The following LDAH variants were observed in gnomAD, a reference collection of about 807,000 sequenced individuals.
LDAH encodes lipid droplet-associated hydrolase.
LDAH carries 26 observed loss-of-function variants against 29.6 expected under a neutral mutation model. That is an observed-to-expected ratio of 0.88 (90% CI 0.64 to 1.22). The LOEUF (loss-of-function observed/expected upper bound fraction) is 1.22. Ranked by LOEUF, LDAH falls within the 50% of genes most tolerant of loss-of-function variation. The probability of loss-of-function intolerance (pLI) is 0.00; values close to 1 mark genes in which losing one functional copy is unlikely to be tolerated. For missense variants in LDAH, 344 were observed against 387.3 expected (o/e 0.89, Z 0.94); for synonymous variants, 117 against 133.0 (o/e 0.88, Z 0.83).
intron 5 of LDAH, among the ~76,000 whole-genome samples, chr2:20,716,057 C>T (rs1160636656): frequency 1.3e-5 from 2 of 152,052 alleles, no homozygotes; most frequent in Non-Finnish European, 2.9e-5. Context: ...GAATGGCGAT[C>T]ATTAAAAAAT....
intron 1 of LDAH, among the ~76,000 whole-genome samples, chr2:20,804,315 G>A (rs1253848331): frequency 2.0e-5 from 3 of 152,120 alleles, no homozygotes; most frequent in Non-Finnish European, 4.4e-5. Context: ...CAATCTGGCA[G>A]CATGGATCAA....
In LDAH at chr2:20,684,970, G is replaced by C. The variant is rs150018830; in HGVS notation, c.*1933C>G. ...AGGTGGCTTTTCACTTTAAAAGAGAGACTTTGAGCCGAGTCTAACTCAGGA... is the reference window on the plus strand; with the variant it reads ...AGGTGGCTTTTCACTTTAAAAGAGACACTTTGAGCCGAGTCTAACTCAGGA... On this transcript the variant is annotated 3_prime_UTR_variant, in exon 7 of 7. Coordinates refer to ENST00000237822, the MANE Select transcript of LDAH (RefSeq NM_021925.4). 20 of 1,547,234 alleles carry C rather than the reference G, an allele frequency of 1.3e-5. No individual in the cohort carries two copies. Among genetic ancestry groups the C allele is most frequent in the Middle Eastern group, 1.7e-4 (1 of 5,978 alleles).
At chr2:20,704,109 C>T (rs568679379) in intron 5 of LDAH, among the ~76,000 whole-genome samples, 3 of 152,122 alleles carry the variant, frequency 2.0e-5, no homozygotes, top group South Asian at 2.1e-4. Flanking sequence ...GAAAATGGAC[C>T]ATGCAGATAC....
At chr2:20,802,922 C>G (rs1671804584) in intron 1 of LDAH, among the ~76,000 whole-genome samples, 1 of 152,110 alleles carries the variant, frequency 6.6e-6, no homozygotes, top group Non-Finnish European at 1.5e-5. Flanking sequence ...ATACAGTGCA[C>G]TGGAAAGGGA....
At position 20,698,094 on chromosome 2, in the gene LDAH, T is replaced by C. The variant is rs1663625528; in HGVS notation, c.786+3476A>G. ...AAGCTTTATGAGAGAGCGAAAGAGA[T>C]GCATGGCACAAAAAAGGTTTAGAAT... On this transcript the variant is annotated intron_variant, in intron 6 of 6. Coordinates refer to ENST00000237822, the MANE Select transcript of LDAH (RefSeq NM_021925.4). This position sits in a 1 kb window ranked among gnomAD's most constrained non-coding sequence, Gnocchi z 4.4. Among the ~76,000 whole-genome samples the C allele has an allele frequency of 6.6e-6, 1 of 152,228 alleles. No homozygotes were observed. The highest frequency in any genetic ancestry group is 2.1e-4 in the South Asian group (1 of 4,836).
At chr2:20,718,393 G>A (rs1454696131) in intron 5 of LDAH, among the ~76,000 whole-genome samples, 3 of 151,892 alleles carry the variant, frequency 2.0e-5, no homozygotes, top group Admixed American at 2.0e-4. Context: ...TAGACTTTAA[G>A]TCAAAAACTA....
At chr2:20,712,386 C>T (rs1486396632) in intron 5 of LDAH, among the ~76,000 whole-genome samples, 1 of 152,164 alleles carries the variant, frequency 6.6e-6, no homozygotes, top group Non-Finnish European at 1.5e-5. Context: ...CTGTAGGTCA[C>T]CAACATCAAA....
chr2:20,761,388 A>C (rs979693945), intron 4 of LDAH, among the ~76,000 whole-genome samples: 4 of 22,798 alleles, frequency 1.8e-4, no homozygotes, highest in African/African-American at 9.7e-4. Context: ...TTGTGGCTAT[A>C]AAAAAAAATT....
chr2:20,714,832 G>C (rs556035893), intron 5 of LDAH, among the ~76,000 whole-genome samples: 2 of 152,298 alleles, frequency 1.3e-5, no homozygotes, highest in South Asian at 4.1e-4. Context: ...ACTAAGCCAG[G>C]AAGAAGTGGA....
chr2:20,729,382 GAAT>G (rs1666244154), intron 5 of LDAH, among the ~76,000 whole-genome samples: 2 of 152,232 alleles, frequency 1.3e-5, no homozygotes, highest in South Asian at 2.1e-4. Flanking sequence ...ATACCGTTAA[GAAT>G]AATTTGTCAT....
At chr2:20,778,671 A>ATTAAATG (rs1669976425) in intron 3 of LDAH, among the ~76,000 whole-genome samples, 1 of 152,178 alleles carries the variant, frequency 6.6e-6, no homozygotes, top group Admixed American at 6.5e-5. Flanking sequence ...AGATAAAAAC[A>ATTAAATG]CAATCATTAA....
rs968095548 is a variant in LDAH, at chr2:20,819,096, C to T, written c.-3+3941G>A. On this transcript the variant is annotated intron_variant, in intron 1 of 6. Coordinates refer to ENST00000237822, the MANE Select transcript of LDAH (RefSeq NM_021925.4). ...ACTACTGCTGAGGACATATTAAAAA[C>T]GAAACCACACACTACACTCAAGATG... Among the ~76,000 whole-genome samples the T allele has an allele frequency of 1.3e-4, 20 of 152,090 alleles. 1 individual carries two copies. Among genetic ancestry groups the T allele is most frequent in the Admixed American group, 3.9e-4 (6 of 15,274 alleles).
chr2:20,800,308 T>G lies in LDAH; in HGVS notation c.154+1002A>C, dbSNP rs188643031. On this transcript the variant is annotated intron_variant, in intron 2 of 6. Transcript: ENST00000237822. ...ACAACCAAATAAACATTGTAAATGA[T>G]GTCAAAAGACAAACCAGGAAAGATT... is the stretch of plus-strand genomic sequence containing the variant. Among the ~76,000 whole-genome samples the G allele has an allele frequency of 3.3e-3, 503 of 152,374 alleles. 3 individuals carry two copies. Among genetic ancestry groups the G allele is most frequent in the Non-Finnish European group, 5.1e-3 (346 of 68,032 alleles).
chr2:20,790,270 G>C lies in LDAH; in HGVS notation c.283C>G (p.Leu95Val). The C allele has an allele frequency of 6.2e-7, 1 of 1,614,136 alleles. No individual in the cohort carries two copies. Among genetic ancestry groups the C allele is most frequent in the Non-Finnish European group, 8.5e-7 (1 of 1,180,004 alleles). Reference protein sequence around the residue: ...HALAPKDKKILTTSEDSNAQE... With the variant: ...HALAPKDKKIVTTSEDSNAQE... Reference sequence around the variant, plus strand: ...AAGGACATACCCTCTGATGTTGTAAGAATCTTCTTGTCTTTGGGAGCCAAC... The same window carrying C: ...AAGGACATACCCTCTGATGTTGTAACAATCTTCTTGTCTTTGGGAGCCAAC... The change falls in exon 3 of 7, where the codon CTT (leucine) becomes GTT (valine). Residue 95 changes from leucine (L) to valine (V), a missense_variant. Physicochemically the swap from Leu to Val is conservative, Grantham distance 32. Coordinates refer to ENST00000237822, the MANE Select transcript of LDAH (RefSeq NM_021925.4).
intron 5 of LDAH, among the ~76,000 whole-genome samples, chr2:20,713,425 C>T (rs577186469): frequency 6.6e-6 from 1 of 152,254 alleles, no homozygotes; most frequent in African/African-American, 2.4e-5. Context: ...CCAGCCACTG[C>T]AAAAATATGC....
chr2:20,718,336 T>C (rs1250037290), intron 5 of LDAH, among the ~76,000 whole-genome samples: 1 of 151,776 alleles, frequency 6.6e-6, no homozygotes, highest in Non-Finnish European at 1.5e-5. Context: ...TCCATGCAAA[T>C]GGAACTTTAA....
intron 5 of LDAH, among the ~76,000 whole-genome samples, chr2:20,719,191 T>TA (rs34323149): frequency 0.24 from 33,881 of 141,856 alleles, 4,437 homozygotes; most frequent in East Asian, 0.36. Context: ...AAATGGAGAC[T>TA]AAAAAACCAC....
intron 5 of LDAH, among the ~76,000 whole-genome samples, chr2:20,729,421 A>T (rs1456112402): frequency 2.0e-5 from 3 of 152,216 alleles, no homozygotes; most frequent in Non-Finnish European, 2.9e-5. Context: ...ATATAAATTT[A>T]AAAAATGTAT....
intron 5 of LDAH, among the ~76,000 whole-genome samples, chr2:20,733,780 C>T (rs1444534727): frequency 2.6e-5 from 4 of 152,108 alleles, no homozygotes; most frequent in African/African-American, 9.7e-5. Flanking sequence ...CTCAAGCGAT[C>T]CTTCCATCTC....
Sources: gnomAD v4.1 joint callset for allele counts (sites outside exome capture counted in the v4.1 genomes callset) on GRCh38, gnomAD v4.1.1 for gene constraint, Gnocchi (gnomAD v3.1) non-coding constraint, MANE v1.5 for transcripts, NCBI Gene and HGNC (gene_info 2026-07-23, HGNC 2026-07-21) for gene names.